Variants in KLHL6 observed in about 807,000 individuals in gnomAD.
KLHL6 encodes kelch like family member 6, also known as kelch-like protein 6.
A neutral mutation model predicts 58.6 loss-of-function variants in KLHL6; 41 were observed. The ratio of observed to expected loss-of-function variants is 0.70; its 90% CI spans 0.55 to 0.91. The LOEUF (loss-of-function observed/expected upper bound fraction) is 0.91. Among genes scored for constraint, KLHL6 ranks in the 40% least tolerant of loss-of-function variants. KLHL6 has a pLI of 0.00. For missense variants in KLHL6, 714 were observed against 805.6 expected (o/e 0.89, Z 1.38); for synonymous variants, 338 against 322.7 (o/e 1.05, Z -0.51).
intron 1 of KLHL6, among the ~76,000 whole-genome samples, chr3:183,535,863 C>T (rs1289045913): frequency 6.6e-6 from 1 of 152,280 alleles, no homozygotes; most frequent in Middle Eastern, 3.4e-3. Flanking sequence ...GCAAGCTCTG[C>T]CTCCCGGGTT....
rs35352469 is a variant in KLHL6, at chr3:183,551,122, G to GA, written c.293+4238dup. ...GGCGACAGAGCAAGACTCTGTCTCAGAAAAAAAAAAAAAAAAAAATTACTT... is the reference window on the plus strand; with the variant it reads ...GGCGACAGAGCAAGACTCTGTCTCAGAAAAAAAAAAAAAAAAAAAATTACTT... On this transcript the variant is annotated intron_variant, in intron 1 of 6. Coordinates refer to ENST00000341319, the MANE Select transcript of KLHL6 (RefSeq NM_130446.4). Among the ~76,000 whole-genome samples the GA allele has an allele frequency of 2.0e-3, 261 of 131,642 alleles. 3 individuals are homozygous for GA. Among genetic ancestry groups the GA allele is most frequent in the Middle Eastern group, 4.2e-3 (1 of 240 alleles). The allele number at this position is 131,642 out of a possible 152,430, so 86.4% of individuals were successfully genotyped here.
At chr3:183,534,660 C>G (rs944678302) in intron 1 of KLHL6, among the ~76,000 whole-genome samples, 1 of 152,002 alleles carries the variant, frequency 6.6e-6, no homozygotes, top group Non-Finnish European at 1.5e-5. Flanking sequence ...ACCTCGGTCT[C>G]CCAAAGTGAG....
intron 2 of KLHL6, chr3:183,520,485 C>T (rs6797186): frequency 0.45 from 67,442 of 151,222 alleles, 17,203 homozygotes; most frequent in Non-Finnish European, 0.58. Flanking sequence ...GCTCAGCATA[C>T]GGAGGACCCA....
At chr3:183,542,082 G>C (rs557511150) in intron 1 of KLHL6, among the ~76,000 whole-genome samples, 1 of 152,234 alleles carries the variant, frequency 6.6e-6, no homozygotes, top group Admixed American at 6.5e-5. Context: ...GGCCCTCAGA[G>C]AGGATGTGAA....
At chr3:183,537,415 A>C (rs1316250581) in intron 1 of KLHL6, among the ~76,000 whole-genome samples, 1 of 152,242 alleles carries the variant, frequency 6.6e-6, no homozygotes, top group Non-Finnish European at 1.5e-5. Flanking sequence ...TGTGGCATAC[A>C]TGCAAGATAT....
intron 4 of KLHL6, among the ~76,000 whole-genome samples, chr3:183,498,893 G>C (rs1228262643): frequency 6.6e-6 from 1 of 152,200 alleles, no homozygotes; most frequent in Non-Finnish European, 1.5e-5. Flanking sequence ...GACATGGGAG[G>C]GGAAGGGCAG....
At position 183,514,673 on chromosome 3, in the gene KLHL6, A is replaced by AT. The variant is rs776479112; in HGVS notation, c.460-6166dup. On this transcript the variant is annotated intron_variant, in intron 2 of 6. Transcript: ENST00000341319. ...TCTTTCTTTTTTTAAATTTAATTTA[A>AT]TTTTTTTTTTTTGAGATGGAGTCTC... Among the ~76,000 whole-genome samples the AT allele has an allele frequency of 4.4e-3, 654 of 147,918 alleles. 2 individuals are homozygous for AT. Among genetic ancestry groups the AT allele is most frequent in the African/African-American group, 0.012 (501 of 40,420 alleles).
chr3:183,498,480 T>G (rs1028805845), intron 4 of KLHL6, among the ~76,000 whole-genome samples: 1 of 152,146 alleles, frequency 6.6e-6, no homozygotes, highest in African/African-American at 2.4e-5. Flanking sequence ...GGGAAGAGTG[T>G]GGGCGTTAGG....
At chr3:183,508,712 A>G (rs575833063) in intron 2 of KLHL6, among the ~76,000 whole-genome samples, 1 of 152,360 alleles carries the variant, frequency 6.6e-6, no homozygotes, top group Admixed American at 6.5e-5. Flanking sequence ...CATATAATTC[A>G]TTCATACAGT....
chr3:183,501,890 A>C (rs767878520), intron 3 of KLHL6, among the ~76,000 whole-genome samples: 2 of 152,154 alleles, frequency 1.3e-5, no homozygotes, highest in Non-Finnish European at 2.9e-5. Context: ...GCTTCATTGT[A>C]ATTTACCGTA....
chr3:183,513,246 A>C (rs1718240060), intron 2 of KLHL6, among the ~76,000 whole-genome samples: 1 of 152,230 alleles, frequency 6.6e-6, no homozygotes, highest in Non-Finnish European at 1.5e-5. Context: ...CTCAATCCTC[A>C]CCACAATGCC....
At chr3:183,516,704 T>C (rs1263419723) in intron 2 of KLHL6, among the ~76,000 whole-genome samples, 1 of 152,204 alleles carries the variant, frequency 6.6e-6, no homozygotes, top group African/African-American at 2.4e-5. Context: ...TGCCTTCAAA[T>C]CCACTTCAGA....
chr3:183,512,174 T>A lies in KLHL6; in HGVS notation c.460-3666A>T, dbSNP rs115102001. 8.7e-3 allele frequency among the ~76,000 whole-genome samples: 1,330 copies of A among 152,298 alleles called. 23 individuals carry two copies. Among genetic ancestry groups the A allele is most frequent in the African/African-American group, 0.031 (1,291 of 41,544 alleles). On this transcript the variant is annotated intron_variant, in intron 2 of 6. Transcript: ENST00000341319. ...CTGGCCCTGTTCACAGAGACATCTA[T>A]GAGAGCTGAAAGGAAACTCACTTAA...
In KLHL6 at chr3:183,488,055, G is replaced by C. The variant is rs1255739281; in HGVS notation, c.*3872C>G. 6.6e-6 allele frequency: 1 copy of C among 152,216 alleles called. No individual in the cohort carries two copies. Among genetic ancestry groups the C allele is most frequent in the African/African-American group, 2.4e-5 (1 of 41,456 alleles). The allele number at this position is 152,216 out of a possible 1,614,324, so 9.4% of individuals were successfully genotyped here. On this transcript the variant is annotated 3_prime_UTR_variant, in exon 7 of 7. Coordinates refer to ENST00000341319, the MANE Select transcript of KLHL6 (RefSeq NM_130446.4). ...TCCCTGAGAGCGTAGTTTGCTTTGA[G>C]TTCAAGGGCATGGTGTATGTGTATA... is the stretch of plus-strand genomic sequence containing the variant.
chr3:183,505,913 A>C (rs982442343), intron 3 of KLHL6, among the ~76,000 whole-genome samples: 7 of 152,266 alleles, frequency 4.6e-5, no homozygotes, highest in Non-Finnish European at 7.3e-5. Flanking sequence ...TCCACAAAGA[A>C]AACACCAGGC....
At chr3:183,516,959 G>C (rs1711589040) in intron 2 of KLHL6, among the ~76,000 whole-genome samples, 1 of 152,148 alleles carries the variant, frequency 6.6e-6, no homozygotes, top group African/African-American at 2.4e-5. Context: ...ACCCAGGCTG[G>C]AGTGCATGGT....
chr3:183,494,947 A>G (rs1717674947), intron 4 of KLHL6, among the ~76,000 whole-genome samples: 3 of 152,252 alleles, frequency 2.0e-5, no homozygotes, highest in Middle Eastern at 3.2e-3. Flanking sequence ...AACAGAAAAT[A>G]CAAAATTCAG....
chr3:183,519,825 G>C (rs1472206744), intron 2 of KLHL6, among the ~76,000 whole-genome samples: 1 of 144,936 alleles, frequency 6.9e-6, no homozygotes, highest in Non-Finnish European at 1.5e-5. Flanking sequence ...GAGCCTGGGA[G>C]TTCAAGGCTG....
At chr3:183,513,175 AG>A (rs1485089823) in intron 2 of KLHL6, among the ~76,000 whole-genome samples, 4 of 152,264 alleles carry the variant, frequency 2.6e-5, no homozygotes. Context: ...AGAAAATAAA[AG>A]GTAAACACTA....
Sources: gnomAD v4.1 joint callset for allele counts (sites outside exome capture counted in the v4.1 genomes callset) on GRCh38, gnomAD v4.1.1 for gene constraint, MANE v1.5 for transcripts, NCBI Gene and HGNC (gene_info 2026-07-23, HGNC 2026-07-21) for gene names.